The following TTN variants were observed in gnomAD, a reference collection of about 807,000 sequenced individuals.
TTN encodes titin.
TTN carries 1,525 observed loss-of-function variants against 3,223.0 expected under a neutral mutation model. The ratio of observed to expected loss-of-function variants is 0.47; its 90% confidence interval spans 0.45 to 0.49. The LOEUF (loss-of-function observed/expected upper bound fraction) is 0.49. TTN is among the 20% of genes least tolerant of loss of function. The pLI, the probability that TTN is intolerant of heterozygous loss-of-function variation, is 0.00. For missense variants in TTN, 40,786 were observed against 43,424.0 expected (o/e 0.94, Z 5.40); for synonymous variants, 14,094 against 15,161.0 (o/e 0.93, Z 5.17).
At position 178,619,748 on chromosome 2, in the gene TTN, A is replaced by T. The variant is rs1553713980; in HGVS notation, c.46569T>A (p.Asp15523Glu). ...TTCCTTCACTCATCATCTGGTGTTT[A>T]TCACCCTGGACAACAACCATGTTAT... Reference protein sequence around the residue: ...LRNNMVVVQGDKHQMMSEGKI... With the variant: ...LRNNMVVVQGEKHQMMSEGKI... The change falls in exon 250 of 363, where the codon GAT becomes GAA. Residue 15523 changes from aspartate to glutamate, a missense_variant. Coordinates refer to ENST00000589042, the MANE Select transcript of TTN (RefSeq NM_001267550.2). 5.6e-6 allele frequency: 9 copies of T among 1,612,454 alleles called. No homozygotes were observed. In the Middle Eastern group the frequency reaches 1.5e-3, roughly 267 times the overall value.
Position 178,693,698 on chromosome 2 carries a change from A to C in TTN, c.31514-9T>G. 6.3e-7 allele frequency: 1 copy of C among 1,584,938 alleles called. No individual in the cohort carries two copies. The highest frequency in any genetic ancestry group is 8.6e-7 in the Non-Finnish European group (1 of 1,161,358). On this transcript the variant is annotated splice_polypyrimidine_tract_variant and intron_variant, in intron 118 of 362. Transcript: ENST00000589042. ...CTTTTGTACCTCGGGGACTTAAAAAAATGTACATTTTAATTACTGATATGC... is the reference window on the plus strand; with the variant it reads ...CTTTTGTACCTCGGGGACTTAAAAACATGTACATTTTAATTACTGATATGC...
At position 178,575,208 on chromosome 2, in the gene TTN, G is replaced by A. The variant is rs1347065648; in HGVS notation, c.70924C>T (p.Leu23642=). 6.2e-7 allele frequency: 1 copy of A among 1,612,888 alleles called. No individual in the cohort carries two copies. Among genetic ancestry groups the A allele is most frequent in the African/African-American group, 1.3e-5 (1 of 75,032 alleles). ...ELDLRGIYQK[L]VIAKAGDNIK... ...TTGTCACCAGCTTTGGCAATGACCA[G>A]TTTCTGATAGATGCCACGGAGATCC... Residue 23642 remains leucine (L), a synonymous_variant, in exon 326 of 363, where the codon CTG becomes TTG. Transcript: ENST00000589042. This position sits in a 1 kb window ranked among gnomAD's most constrained non-coding sequence, Gnocchi z 4.0.
chr2:178,713,843 A>G, intron 92 of TTN, 54 bp downstream of exon 92: 22 of 1,580,632 alleles, frequency 1.4e-5, no homozygotes, highest in Non-Finnish European at 1.9e-5. Context: ...ATTTATGAAA[A>G]TCAGGAACTA....
intron 326 of TTN, chr2:178,559,023 G>A (rs1702596804): frequency 1.8e-5 from 5 of 272,126 alleles, no homozygotes; most frequent in South Asian, 7.0e-5. Flanking sequence ...TATAATCTGT[G>A]TATATATATA....
At chr2:178,642,809 C>G (rs1051652910) in intron 218 of TTN, among the ~76,000 whole-genome samples, 1 of 151,992 alleles carries the variant, frequency 6.6e-6, no homozygotes, top group African/African-American at 2.4e-5. Flanking sequence ...GGCCATATCT[C>G]ACTTTCTGAA....
chr2:178,592,737 A>C, intron 300 of TTN, 38 bp downstream of exon 300: 1 of 1,612,568 alleles, frequency 6.2e-7, no homozygotes, highest in Non-Finnish European at 8.5e-7. Context: ...TCAGACATCT[A>C]TTTTCCTTGC....
chr2:178,544,200 C>G lies in TTN; in HGVS notation c.96028+1G>C. On this transcript the variant is annotated splice_donor_variant, in intron 345 of 362. Coordinates refer to ENST00000589042, the MANE Select transcript of TTN (RefSeq NM_001267550.2). LOFTEE classifies it high-confidence loss of function. ...CACCTAAAAGCTTCTGTGATAAATA[C>G]CTATTCTTTCCACGGGCTCAATTTC... 1 of 1,612,298 alleles carries G rather than the reference C, an allele frequency of 6.2e-7. No homozygotes were observed. The highest frequency in any genetic ancestry group is 8.5e-7 in the Non-Finnish European group (1 of 1,178,544).
At chr2:178,683,374 G>T in intron 133 of TTN, 83 bp from the exon 134 acceptor site, 1 of 813,566 alleles carries the variant, frequency 1.2e-6, no homozygotes, top group Non-Finnish European at 1.9e-6. Context: ...AACAATTCAA[G>T]GACAAAGACA....
intron 288 of TTN, 121 bp from the exon 289 acceptor site, chr2:178,599,971 A>G: frequency 1.1e-6 from 1 of 888,406 alleles, no homozygotes; most frequent in Non-Finnish European, 1.6e-6. Context: ...GCTCAGCCCA[A>G]TATAAAGAAT....
intron 106 of TTN, 113 bp downstream of exon 106, chr2:178,704,034 A>T: frequency 7.4e-7 from 1 of 1,354,522 alleles, no homozygotes; most frequent in South Asian, 1.6e-5. Context: ...GTTGGGAAAT[A>T]AGAACACATG....
In TTN at chr2:178,613,747, A is replaced by G. The variant is rs1303633713; in HGVS notation, c.49532+4T>C. 6.2e-7 allele frequency: 1 copy of G among 1,611,116 alleles called. No homozygotes were observed. Among genetic ancestry groups the G allele is most frequent in the East Asian group, 2.2e-5 (1 of 44,722 alleles). ...TAACATCTTGATGGGGATTCTGAGCATACCTGTATGTTGTGTCCTTTACTG... is the reference window on the plus strand; with the variant it reads ...TAACATCTTGATGGGGATTCTGAGCGTACCTGTATGTTGTGTCCTTTACTG... On this transcript the variant is annotated splice_donor_region_variant and intron_variant, in intron 263 of 362. Transcript: ENST00000589042.
intron 29 of TTN, 76 bp from the exon 30 acceptor site, chr2:178,774,549 T>TTG (rs1197156177): frequency 7.0e-7 from 1 of 1,421,926 alleles, no homozygotes; most frequent in Non-Finnish European, 9.7e-7. Context: ...AGATGATGTC[T>TTG]TGTATGTCTT....
At position 178,731,853 on chromosome 2, in the gene TTN, G is replaced by C. The variant is rs1373550135; in HGVS notation, c.17022C>G (p.Asn5674Lys). 1.9e-6 allele frequency: 3 copies of C among 1,613,764 alleles called. No homozygotes were observed. The South Asian group carries it at 3.3e-5, about 18-fold the overall frequency. ...PPFEITWFKD[N>K]TILRSGRKYK... ...ACTTTCTACCACTTCGCAGGATTGT[G>C]TTATCTTTGAACCAAGTGATCTCAA... is the stretch of plus-strand genomic sequence containing the variant. Residue 5674 changes from asparagine (N) to lysine (K), a missense_variant, in exon 58 of 363, where the codon AAC becomes AAG. By Grantham distance (94) the Asn-to-Lys change is moderately conservative. Coordinates refer to ENST00000589042, the MANE Select transcript of TTN (RefSeq NM_001267550.2).
chr2:178,738,263 C>T lies in TTN; in HGVS notation c.14190G>A (p.Arg4730=). The T allele has an allele frequency of 2.5e-6, 4 of 1,613,584 alleles. No homozygotes were observed. The South Asian group carries it at 4.4e-5, about 18-fold the overall frequency. ...CTCGGCCAGCTTTAAACCACTGGAA[C>T]CGGACATTGGGAGCACTTTGGATCT... ...TCEIQSAPNV[R]FQWFKAGREI... The change falls in exon 49 of 363, where the codon CGG becomes CGA. Residue 4730 remains arginine, a synonymous_variant. Coordinates refer to ENST00000589042, the MANE Select transcript of TTN (RefSeq NM_001267550.2).
intron 88 of TTN, among the ~76,000 whole-genome samples, chr2:178,716,654 G>T (rs2077528244): frequency 6.6e-6 from 1 of 152,140 alleles, no homozygotes. Context: ...AAAGTAAGTT[G>T]AACTTATCAT....
rs985566463 is a variant in TTN, at chr2:178,563,340, C to T, written c.82792G>A (p.Gly27598Ser). Reference sequence around the variant, plus strand: ...ACATAGCCTTTAACAGGTGCGCCACCATCATAAATTGGCTTACTCCATGCC... The same window carrying T: ...ACATAGCCTTTAACAGGTGCGCCACTATCATAAATTGGCTTACTCCATGCC... ...SLAWSKPIYD[G>S]GAPVKGYVVE... The change falls in exon 326 of 363, where the codon GGT (glycine) becomes AGT (serine). Residue 27598 changes from glycine (G) to serine (S), a missense_variant. Physicochemically the swap from Gly to Ser is moderately conservative, Grantham distance 56 (BLOSUM62 0). Transcript: ENST00000589042. The surrounding 1 kb of genome is among the most constrained non-coding windows in gnomAD (Gnocchi z 4.5). 5 of 1,613,486 alleles carry T rather than the reference C, an allele frequency of 3.1e-6. No individual in the cohort carries two copies. In the African/African-American group the frequency reaches 6.7e-5, roughly 22 times the overall value.
chr2:178,788,142 T>C (rs1050700311), intron 13 of TTN, among the ~76,000 whole-genome samples: 2 of 152,036 alleles, frequency 1.3e-5, no homozygotes, highest in African/African-American at 2.4e-5. Flanking sequence ...GATGATGAAA[T>C]GGGATGAAAC....
At chr2:178,546,579 A>G in intron 341 of TTN, 21 bp downstream of exon 341, 1 of 1,598,008 alleles carries the variant, frequency 6.3e-7, no homozygotes, top group Non-Finnish European at 8.6e-7. Context: ...TTTAAAAAGG[A>G]GAATGTTGAC....
At chr2:178,730,849 TG>T (rs1252268492) in intron 60 of TTN, 57 bp from the exon 61 acceptor site, 39 of 1,525,230 alleles carry the variant, frequency 2.6e-5, no homozygotes, top group African/African-American at 1.3e-4. Flanking sequence ...AATTTGTTTT[TG>T]TTTTTTTTTT....
Sources: gnomAD v4.1 joint callset for allele counts (sites outside exome capture counted in the v4.1 genomes callset) on GRCh38, gnomAD v4.1.1 for gene constraint, Gnocchi (gnomAD v3.1) non-coding constraint, MANE v1.5 for transcripts, NCBI Gene and HGNC (gene_info 2026-07-23, HGNC 2026-07-21) for gene names.